PLCE1: variants seen among roughly 807,000 people sequenced by gnomAD.
PLCE1 encodes the protein 1-phosphatidylinositol 4,5-bisphosphate phosphodiesterase epsilon-1.
PLCE1 carries 119 observed loss-of-function variants against 242.8 expected under a neutral mutation model. That is an observed-to-expected ratio of 0.49 (90% CI 0.42 to 0.57). The LOEUF (loss-of-function observed/expected upper bound fraction) is 0.57, where lower values mean the gene tolerates loss of function less well. Ranked by LOEUF, PLCE1 falls within the 20% of genes least tolerant of loss-of-function variation. PLCE1 has a pLI of 0.00. For synonymous variants in PLCE1, 945 were observed against 1,017.4 expected, an observed-to-expected ratio of 0.93 and a Z score of 1.35; for missense variants, 2,441 against 2,788.8, an observed-to-expected ratio of 0.88 and a Z score of 2.81.
At chr10:94,194,642 C>T (rs1373259065) in intron 4 of PLCE1, among the ~76,000 whole-genome samples, 1 of 152,212 alleles carries the variant, frequency 6.6e-6, no homozygotes, top group East Asian at 1.9e-4. Context: ...CACTTACTTT[C>T]AGTGTGACTC....
intron 2 of PLCE1, among the ~76,000 whole-genome samples, chr10:94,059,018 A>G (rs1281304809): frequency 6.6e-6 from 1 of 152,170 alleles, no homozygotes; most frequent in South Asian, 2.1e-4. Flanking sequence ...TGTCTAAATG[A>G]CAGTCAGGTG....
chr10:94,327,688 C>T (rs2054079418), intron 32 of PLCE1, among the ~76,000 whole-genome samples: 1 of 152,068 alleles, frequency 6.6e-6, no homozygotes, highest in Non-Finnish European at 1.5e-5. Flanking sequence ...GAAGGAATTC[C>T]ACCTTTTCTT....
chr10:94,032,791 C>T (rs923368976), intron 2 of PLCE1, among the ~76,000 whole-genome samples: 3 of 151,992 alleles, frequency 2.0e-5, no homozygotes, highest in Middle Eastern at 3.4e-3. Context: ...ACAAGTTATG[C>T]GGATATACAT....
At chr10:94,279,718 T>G (rs1321605911) in intron 19 of PLCE1, 64 bp from the exon 20 acceptor site, 1 of 1,570,032 alleles carries the variant, frequency 6.4e-7, no homozygotes, top group Admixed American at 1.7e-5. Flanking sequence ...AGGGGTAGTT[T>G]TAAAGGTTAT....
chr10:94,090,074 G>A (rs1207980803), intron 2 of PLCE1, among the ~76,000 whole-genome samples: 3 of 151,982 alleles, frequency 2.0e-5, no homozygotes, highest in African/African-American at 4.8e-5. Context: ...ACATTAAAAG[G>A]ATATTAGACC....
At chr10:94,326,565 CAT>C (rs1173771188) in intron 32 of PLCE1, among the ~76,000 whole-genome samples, 2 of 152,184 alleles carry the variant, frequency 1.3e-5, no homozygotes, top group African/African-American at 4.8e-5. Context: ...TACTTCTCTA[CAT>C]ATAAAGAGCC....
At chr10:94,253,106 G>C (rs1426187470) in intron 9 of PLCE1, among the ~76,000 whole-genome samples, 1 of 152,166 alleles carries the variant, frequency 6.6e-6, no homozygotes, top group South Asian at 2.1e-4. Context: ...TCACTATGAA[G>C]TGATAATATA....
chr10:94,236,304 T>G (rs1298530208), intron 7 of PLCE1, among the ~76,000 whole-genome samples, 184 bp downstream of exon 7: 1 of 152,210 alleles, frequency 6.6e-6, no homozygotes, highest in East Asian at 1.9e-4. Flanking sequence ...CTTTCTCATT[T>G]TGCTGCTTTG....
At chr10:94,117,890 A>G (rs971251098) in intron 2 of PLCE1, among the ~76,000 whole-genome samples, 3 of 152,178 alleles carry the variant, frequency 2.0e-5, no homozygotes, top group African/African-American at 7.2e-5. Flanking sequence ...AAAGCTCTTA[A>G]GTCTACTTTT....
intron 1 of PLCE1, among the ~76,000 whole-genome samples, chr10:94,022,918 T>A (rs1230551431): frequency 1.1e-4 from 16 of 152,170 alleles, no homozygotes; most frequent in Admixed American, 1.0e-3. Flanking sequence ...ACTAACTATA[T>A]GTCTTGGTAC....
chr10:94,287,846 C>T (rs948563208), intron 22 of PLCE1, among the ~76,000 whole-genome samples: 2 of 152,064 alleles, frequency 1.3e-5, no homozygotes, highest in East Asian at 1.9e-4. Context: ...CATACACTGC[C>T]GTCTTTCTAG....
intron 1 of PLCE1, among the ~76,000 whole-genome samples, chr10:94,010,208 C>G (rs944957510): frequency 5.9e-5 from 9 of 152,228 alleles, no homozygotes; most frequent in African/African-American, 2.2e-4. Context: ...AGTTTGTACT[C>G]TCAGAAGAGG....
At chr10:94,131,584 G>A (rs1333799719) in intron 2 of PLCE1, among the ~76,000 whole-genome samples, 3 of 152,196 alleles carry the variant, frequency 2.0e-5, no homozygotes, top group African/African-American at 4.8e-5. Context: ...AGAGTGAGCA[G>A]GATCTGTCAA....
intron 3 of PLCE1, among the ~76,000 whole-genome samples, chr10:94,156,547 C>T (rs1161975563): frequency 6.6e-6 from 1 of 152,114 alleles, no homozygotes; most frequent in African/African-American, 2.4e-5. Flanking sequence ...AGGTTCCATA[C>T]CCTCTCTGGG....
intron 4 of PLCE1, among the ~76,000 whole-genome samples, chr10:94,193,005 G>A (rs1282531277): frequency 6.6e-6 from 1 of 152,208 alleles, no homozygotes; most frequent in African/African-American, 2.4e-5. Flanking sequence ...GCACAGCTAT[G>A]CTCATTTATG....
chr10:94,241,812 C>G (rs1048646884), intron 7 of PLCE1, among the ~76,000 whole-genome samples: 4 of 149,044 alleles, frequency 2.7e-5, no homozygotes, highest in Admixed American at 2.7e-4. Flanking sequence ...AAAAAAGCCC[C>G]TCTAGAGGAA....
At position 94,179,530 on chromosome 10, in the gene PLCE1, T is replaced by TTTTTTTTTTTTTTTTTTGA. The variant is rs10636243; in HGVS notation, c.1809+8034_1809+8035insTTTTTTTTTTTTTTTTTGA. The stretch of plus-strand genomic sequence containing the variant: ...TAGTTTAGTTTTTTTTTTTTTTTTT[T>TTTTTTTTTTTTTTTTTTGA]GACAGGGTCTCTGTTGCCCAGGCTG... On this transcript the variant is annotated intron_variant, in intron 4 of 32. Coordinates refer to ENST00000371380, the MANE Select transcript of PLCE1 (RefSeq NM_016341.4). 7.1e-4 allele frequency among the ~76,000 whole-genome samples: 84 copies of TTTTTTTTTTTTTTTTTTGA among 118,806 alleles called. 3 individuals are homozygous for TTTTTTTTTTTTTTTTTTGA. The highest frequency in any genetic ancestry group is 1.2e-3 in the African/African-American group (38 of 31,014). 77.9% of individuals were successfully genotyped at this position (118,806 alleles called of 152,430 possible). A position where few individuals can be genotyped will look rare whatever the true frequency, so the allele number is the denominator to read the frequency against.
At chr10:94,255,205 A>G (rs1050017405) in intron 11 of PLCE1, among the ~76,000 whole-genome samples, 156 bp downstream of exon 11, 4 of 152,168 alleles carry the variant, frequency 2.6e-5, no homozygotes, top group African/African-American at 9.7e-5. Context: ...AATGATCCTA[A>G]TTCTCCCAAT....
intron 8 of PLCE1, among the ~76,000 whole-genome samples, chr10:94,251,347 G>GCA (rs138654800): frequency 2.5e-3 from 384 of 151,998 alleles, no homozygotes; most frequent in African/African-American, 7.9e-3. Context: ...GAAGGAGCAA[G>GCA]CACACACACA....
Sources: gnomAD v4.1 joint callset for allele counts (sites outside exome capture counted in the v4.1 genomes callset) on GRCh38, gnomAD v4.1.1 for gene constraint, MANE v1.5 for transcripts, NCBI Gene and HGNC (gene_info 2026-07-23, HGNC 2026-07-21) for gene names.